PTPRN2: variants seen among roughly 807,000 people sequenced by gnomAD.
The protein encoded by PTPRN2 is receptor-type tyrosine-protein phosphatase N2.
Under a neutral mutation model 118.8 loss-of-function variants are expected in PTPRN2, and 74 were observed. The ratio of observed to expected loss-of-function variants is 0.62; its 90% CI spans 0.52 to 0.76. The LOEUF (loss-of-function observed/expected upper bound fraction) is 0.76. Ranked by LOEUF, PTPRN2 falls within the 30% of genes least tolerant of loss-of-function variation. PTPRN2 has a pLI of 0.00. For synonymous variants in PTPRN2, 641 were observed against 608.0 expected (o/e 1.05, Z -0.80); for missense variants, 1,481 against 1,394.4 (o/e 1.06, Z -0.99).
chr7:158,502,342 CTT>C (rs1447781724), intron 1 of PTPRN2, among the ~76,000 whole-genome samples: 2 of 152,212 alleles, frequency 1.3e-5, no homozygotes, highest in East Asian at 1.9e-4. Flanking sequence ...TTAGCCAACT[CTT>C]GATTTATTAG....
intron 14 of PTPRN2, among the ~76,000 whole-genome samples, chr7:157,645,416 C>T (rs764476454): frequency 1.3e-4 from 20 of 152,276 alleles, no homozygotes; most frequent in Admixed American, 3.9e-4. Flanking sequence ...ACTAGGGGGA[C>T]GCCATCTTGG....
intron 14 of PTPRN2, among the ~76,000 whole-genome samples, chr7:157,655,364 C>G (rs1003601283): frequency 6.6e-5 from 10 of 152,232 alleles, no homozygotes; most frequent in East Asian, 5.8e-4. Context: ...CGGGAGGCCT[C>G]CAGCCTTGAT....
In PTPRN2 at chr7:158,030,622, G is replaced by A. The variant is rs144240760; in HGVS notation, c.1723+50676C>T. Reference sequence around the variant, plus strand: ...GGGAAGGCGAGGCCAGAATTCCCGAGAACACCTGGTGACCCAGCAGAGGTG... The same window carrying A: ...GGGAAGGCGAGGCCAGAATTCCCGAAAACACCTGGTGACCCAGCAGAGGTG... On this transcript the variant is annotated intron_variant, in intron 11 of 22. Transcript: ENST00000389418. 3.5e-3 allele frequency: 541 copies of A among 152,510 alleles called. 2 individuals carry two copies. The highest frequency in any genetic ancestry group is 0.014 in the Middle Eastern group (4 of 296). 9.4% of individuals were successfully genotyped at this position (152,510 alleles called of 1,614,324 possible). A position where few individuals can be genotyped will look rare whatever the true frequency, so the allele number is the denominator to read the frequency against.
intron 11 of PTPRN2, among the ~76,000 whole-genome samples, chr7:158,013,823 C>A (rs1373536524): frequency 8.0e-6 from 1 of 125,492 alleles, no homozygotes; most frequent in African/African-American, 3.1e-5. Context: ...CACTCACCCA[C>A]CTACCCATCC....
intron 11 of PTPRN2, among the ~76,000 whole-genome samples, chr7:157,909,274 C>T (rs545957551): frequency 7.2e-5 from 11 of 152,246 alleles, no homozygotes; most frequent in South Asian, 2.1e-4. Context: ...ATTTTTTTAG[C>T]GGCTAATGAG....
At chr7:158,314,709 G>C (rs1342512978) in intron 3 of PTPRN2, among the ~76,000 whole-genome samples, 1 of 152,252 alleles carries the variant, frequency 6.6e-6, no homozygotes, top group Non-Finnish European at 1.5e-5. Context: ...GCTTTGTGGA[G>C]GGTTCCCCAT....
intron 12 of PTPRN2, chr7:157,866,017 C>T (rs753747454): frequency 6.6e-6 from 1 of 152,332 alleles, no homozygotes; most frequent in African/African-American, 2.4e-5. Flanking sequence ...CTCTGACAGC[C>T]ACGTGTACTC....
chr7:158,570,097 C>G lies in PTPRN2; in HGVS notation c.112+17461G>C, dbSNP rs1827920984. On this transcript the variant is annotated intron_variant, in intron 1 of 22. Coordinates refer to ENST00000389418, the MANE Select transcript of PTPRN2 (RefSeq NM_002847.5). This position sits in a 1 kb window ranked among gnomAD's most constrained non-coding sequence, Gnocchi z 4.5. ...CCAGGCAGGGGGAAGCCCCGAGAAGCCGCCGCGCCGGGCTGAGATCGGGCC... is the reference window on the plus strand; with the variant it reads ...CCAGGCAGGGGGAAGCCCCGAGAAGGCGCCGCGCCGGGCTGAGATCGGGCC... Among the ~76,000 whole-genome samples, 1 of 152,190 alleles carries G rather than the reference C, an allele frequency of 6.6e-6. No individual in the cohort carries two copies. Among genetic ancestry groups the G allele is most frequent in the Non-Finnish European group, 1.5e-5 (1 of 68,028 alleles).
intron 1 of PTPRN2, among the ~76,000 whole-genome samples, chr7:158,500,813 G>A (rs1281152481): frequency 1.3e-5 from 2 of 152,268 alleles, no homozygotes; most frequent in Non-Finnish European, 2.9e-5. Flanking sequence ...TTAGAACAAA[G>A]CTGCGGGGCC....
intron 12 of PTPRN2, among the ~76,000 whole-genome samples, chr7:157,734,908 G>A (rs1402950156): frequency 6.6e-6 from 1 of 152,236 alleles, no homozygotes; most frequent in Non-Finnish European, 1.5e-5. Flanking sequence ...GTCGACGTGG[G>A]AGGCAAGTTG....
chr7:157,904,552 G>A lies in PTPRN2; in HGVS notation c.1724-5815C>T, dbSNP rs560458500. 2.0e-5 allele frequency among the ~76,000 whole-genome samples: 3 copies of A among 152,352 alleles called. No individual in the cohort carries two copies. The South Asian group carries it at 6.2e-4, about 32-fold the overall frequency. On this transcript the variant is annotated intron_variant, in intron 11 of 22. Transcript: ENST00000389418. ...CAAAGCACAGAATCCGGGTCCCGGA[G>A]TCCCCAGAGTCCAGCTTCTTGCCAG...
intron 12 of PTPRN2, among the ~76,000 whole-genome samples, chr7:157,762,121 T>C (rs1395931983): frequency 4.0e-5 from 6 of 151,820 alleles, no homozygotes; most frequent in Non-Finnish European, 7.4e-5. Context: ...TGTGGAGAAA[T>C]AGGAACACTT....
chr7:158,562,271 G>T (rs1042373795), intron 1 of PTPRN2, among the ~76,000 whole-genome samples: 1 of 152,136 alleles, frequency 6.6e-6, no homozygotes, highest in Non-Finnish European at 1.5e-5. Context: ...AAGGGGGCGA[G>T]GAAGCTCTCT....
chr7:158,236,090 T>C (rs67340855), intron 3 of PTPRN2, among the ~76,000 whole-genome samples: 26,837 of 152,174 alleles, frequency 0.18, 2,573 homozygotes, highest in Non-Finnish European at 0.22. Context: ...CACAGCGTTG[T>C]TGAAGGGGCT....
chr7:158,085,185 CGACGCCCATCCACACCCTT>C lies in PTPRN2; in HGVS notation c.1644-3827_1644-3809del, dbSNP rs1461823221. On this transcript the variant is annotated intron_variant, in intron 10 of 22. Coordinates refer to ENST00000389418, the MANE Select transcript of PTPRN2 (RefSeq NM_002847.5). ...CCATCCAGATACCCATCCACACCCA[CGACGCCCATCCACACCCTT>C]GACGCCCATCCACACAGATACCCAT... Among the ~76,000 whole-genome samples, 3 of 134,976 alleles carry C rather than the reference CGACGCCCATCCACACCCTT, an allele frequency of 2.2e-5. 1 individual carries two copies. The highest frequency in any genetic ancestry group is 5.8e-5 in the African/African-American group (2 of 34,322). The allele number at this position is 134,976 out of a possible 152,430, so 88.5% of individuals were successfully genotyped here.
At chr7:157,649,130 G>T (rs1805413963) in intron 14 of PTPRN2, among the ~76,000 whole-genome samples, 2 of 132,288 alleles carry the variant, frequency 1.5e-5, no homozygotes, top group African/African-American at 5.5e-5. Flanking sequence ...ACTGTGCACT[G>T]AACTCGGTGG....
intron 12 of PTPRN2, among the ~76,000 whole-genome samples, chr7:157,734,379 G>A (rs1303791682): frequency 6.6e-6 from 1 of 152,230 alleles, no homozygotes; most frequent in South Asian, 2.1e-4. Context: ...GGCTTCCAGG[G>A]TAGGTACTGT....
chr7:158,063,462 G>A (rs1045527878), intron 11 of PTPRN2, among the ~76,000 whole-genome samples: 1 of 152,238 alleles, frequency 6.6e-6, no homozygotes, highest in Non-Finnish European at 1.5e-5. Context: ...AGCAGGATGT[G>A]GGTGGGGCCA....
chr7:158,241,194 C>T (rs1795884703), intron 3 of PTPRN2, among the ~76,000 whole-genome samples: 2 of 152,192 alleles, frequency 1.3e-5, no homozygotes, highest in African/African-American at 4.8e-5. Context: ...CCTTTCATAA[C>T]ATATTTGCTG....
Sources: allele counts gnomAD v4.1 joint callset (sites outside exome capture counted in the v4.1 genomes callset), GRCh38; gene constraint gnomAD v4.1.1; non-coding constraint Gnocchi (gnomAD v3.1); transcripts MANE v1.5; gene names NCBI Gene and HGNC (gene_info 2026-07-23, HGNC 2026-07-21).